The following TEAD1 variants were observed in gnomAD, a reference collection of about 807,000 sequenced individuals.
TEAD1 encodes the protein TEA domain transcription factor 1, also known as transcriptional enhancer factor TEF-1.
In TEAD1, 9 loss-of-function variants were observed where a neutral mutation model predicts 54.9. That is an observed-to-expected ratio of 0.16 (90% CI 0.10 to 0.29). TEAD1 has a LOEUF of 0.29. TEAD1 is among the 10% of genes least tolerant of loss of function. TEAD1 has a pLI of 1.00. For missense variants in TEAD1, 387 were observed against 535.9 expected (o/e 0.72, Z 2.74); for synonymous variants, 200 against 187.8 (o/e 1.07, Z -0.53).
At chr11:12,912,092 C>T (rs1948627571) in intron 10 of TEAD1, among the ~76,000 whole-genome samples, 1 of 152,146 alleles carries the variant, frequency 6.6e-6, no homozygotes, top group Non-Finnish European at 1.5e-5. Flanking sequence ...GAATCATCCG[C>T]AAGCAATTCG....
At position 12,825,883 on chromosome 11, in the gene TEAD1, C is replaced by T. The variant is rs1946642351; in HGVS notation, c.203-36367C>T. ...CCATTACATTATTGTCAATTGATTT[C>T]TCTACAGAGGTACCAAAGCAATTCA... is the stretch of plus-strand genomic sequence containing the variant. On this transcript the variant is annotated intron_variant, in intron 3 of 12. Coordinates refer to ENST00000527636, the MANE Select transcript of TEAD1 (RefSeq NM_021961.6). Among the ~76,000 whole-genome samples the T allele has an allele frequency of 2.0e-5, 3 of 152,170 alleles. No individual in the cohort carries two copies. The South Asian group carries it at 6.2e-4, about 31-fold the overall frequency.
intron 2 of TEAD1, among the ~76,000 whole-genome samples, chr11:12,702,661 A>G (rs1590066220): frequency 6.6e-6 from 1 of 151,662 alleles, no homozygotes; most frequent in Non-Finnish European, 1.5e-5. Context: ...TTTCCCTTCC[A>G]TGTTCTCCCA....
At chr11:12,845,547 TTG>T (rs1443329725) in intron 3 of TEAD1, among the ~76,000 whole-genome samples, 1 of 152,206 alleles carries the variant, frequency 6.6e-6, no homozygotes, top group African/African-American at 2.4e-5. Flanking sequence ...TCCATGTAGT[TTG>T]TGTCTCAGTC....
At chr11:12,913,565 G>T (rs182153047) in intron 10 of TEAD1, among the ~76,000 whole-genome samples, 1 of 152,262 alleles carries the variant, frequency 6.6e-6, no homozygotes, top group Admixed American at 6.5e-5. Flanking sequence ...ACAGCAATGA[G>T]AATTTGAGGG....
intron 2 of TEAD1, among the ~76,000 whole-genome samples, chr11:12,758,694 G>A (rs375901540): frequency 2.6e-5 from 4 of 152,042 alleles, no homozygotes; most frequent in Non-Finnish European, 4.4e-5. Flanking sequence ...GATTACAGGC[G>A]TGGGCCACCC....
At position 12,764,161 on chromosome 11, in the gene TEAD1, T is replaced by C. The variant is rs1032052778; in HGVS notation, c.-54-18T>C. Reference sequence around the variant, plus strand: ...GTGGTTACCACATCCTTATACTGTTTTTGGTTTTCTCTTCTAGGTTTATTT... The same window carrying C: ...GTGGTTACCACATCCTTATACTGTTCTTGGTTTTCTCTTCTAGGTTTATTT... On this transcript the variant is annotated intron_variant, in intron 2 of 12. Transcript: ENST00000527636. The C allele has an allele frequency of 2.0e-5, 30 of 1,520,132 alleles. No individual in the cohort carries two copies. The highest frequency in any genetic ancestry group is 2.6e-5 in the Non-Finnish European group (29 of 1,124,234). 94.2% of individuals were successfully genotyped at this position (1,520,132 alleles called of 1,614,324 possible).
chr11:12,776,757 T>TTTATTATTATTA (rs71037087), intron 3 of TEAD1, among the ~76,000 whole-genome samples: 4 of 137,728 alleles, frequency 2.9e-5, no homozygotes, highest in Non-Finnish European at 4.6e-5. Context: ...CATTTGGATA[T>TTTATTATTATTA]TTATTATTAT....
chr11:12,761,901 C>G (rs529976562), intron 2 of TEAD1, among the ~76,000 whole-genome samples: 1 of 152,256 alleles, frequency 6.6e-6, no homozygotes, highest in South Asian at 2.1e-4. Context: ...CAAGGGTAGA[C>G]TGTGACCAGT....
chr11:12,851,156 C>T, intron 3 of TEAD1: 2 of 895,718 alleles, frequency 2.2e-6, no homozygotes, highest in Non-Finnish European at 2.7e-6. Context: ...ATTTCATGAT[C>T]TCACTTATAC....
chr11:12,721,921 T>C (rs1944208990), intron 2 of TEAD1, among the ~76,000 whole-genome samples: 1 of 152,194 alleles, frequency 6.6e-6, no homozygotes, highest in Non-Finnish European at 1.5e-5. Flanking sequence ...GATCAGTGCT[T>C]CTCAAACATC....
intron 2 of TEAD1, among the ~76,000 whole-genome samples, chr11:12,692,529 C>A (rs540074918): frequency 6.6e-6 from 1 of 152,156 alleles, no homozygotes; most frequent in South Asian, 2.1e-4. Context: ...CTTTTTAAAG[C>A]CGCAAGCTTA....
chr11:12,813,949 C>A (rs978664523), intron 3 of TEAD1, among the ~76,000 whole-genome samples: 1 of 152,172 alleles, frequency 6.6e-6, no homozygotes, highest in African/African-American at 2.4e-5. Context: ...TTGGGAGGTG[C>A]TGACCACAAG....
intron 2 of TEAD1, among the ~76,000 whole-genome samples, chr11:12,691,193 C>T (rs1011947130): frequency 6.6e-6 from 1 of 152,134 alleles, no homozygotes; most frequent in Non-Finnish European, 1.5e-5. Context: ...CGTTTCAGTC[C>T]ATTGCAGTTC....
At chr11:12,691,184 G>A (rs1343862414) in intron 2 of TEAD1, among the ~76,000 whole-genome samples, 2 of 152,104 alleles carry the variant, frequency 1.3e-5, no homozygotes, top group African/African-American at 2.4e-5. Flanking sequence ...TATTGAATGC[G>A]TTTCAGTCCA....
intron 5 of TEAD1, 148 bp from the exon 6 acceptor site, chr11:12,879,559 TG>T: frequency 1.1e-6 from 1 of 926,632 alleles, no homozygotes; most frequent in Non-Finnish European, 1.7e-6. Flanking sequence ...TTTAGCCTTC[TG>T]GCTGTGTTAT....
Position 12,764,215 on chromosome 11 carries a change from G to GA in TEAD1, c.-14dup. 6.2e-7 allele frequency: 1 copy of GA among 1,611,670 alleles called. No homozygotes were observed. The highest frequency in any genetic ancestry group is 1.3e-5 in the African/African-American group (1 of 74,862). ...TGAAAAGGCTCCAGGCTTCGGCTTG[G>GA]AAAATCCCACCGCCAAAATTGAGCC... On this transcript the variant is annotated 5_prime_UTR_variant, in exon 3 of 13. Transcript: ENST00000527636.
chr11:12,870,476 GA>G lies in TEAD1; in HGVS notation c.330+5587del, dbSNP rs1167123548. 9.7e-3 allele frequency among the ~76,000 whole-genome samples: 1,346 copies of G among 138,600 alleles called. 20 individuals are homozygous for G. Among genetic ancestry groups the G allele is most frequent in the African/African-American group, 0.029 (1,118 of 37,934 alleles). 90.9% of individuals were successfully genotyped at this position (138,600 alleles called of 152,430 possible). On this transcript the variant is annotated intron_variant, in intron 5 of 12. Coordinates refer to ENST00000527636, the MANE Select transcript of TEAD1 (RefSeq NM_021961.6). ...CAAGAGCTCGGTAAGATGGAAAAAA[GA>G]AAAAAAAAAAGGCATTTGTGGCCAG...
intron 3 of TEAD1, among the ~76,000 whole-genome samples, chr11:12,802,406 G>A (rs908512399): frequency 2.0e-5 from 3 of 152,054 alleles, no homozygotes; most frequent in African/African-American, 7.2e-5. Flanking sequence ...GTTGAATCCT[G>A]AAGAAGGGGA....
At chr11:12,924,378 G>A (rs1948869931) in intron 10 of TEAD1, among the ~76,000 whole-genome samples, 1 of 152,194 alleles carries the variant, frequency 6.6e-6, no homozygotes, top group Admixed American at 6.5e-5. Flanking sequence ...ACCTTTCATA[G>A]TAGGTGCTTA....
Sources: allele counts gnomAD v4.1 joint callset (sites outside exome capture counted in the v4.1 genomes callset), GRCh38; gene constraint gnomAD v4.1.1; transcripts MANE v1.5; gene names NCBI Gene and HGNC (gene_info 2026-07-23, HGNC 2026-07-21).